Variants in LRP1B observed in about 807,000 individuals in gnomAD.
LRP1B encodes the protein LDL receptor related protein 1B, also known as low-density lipoprotein receptor-related protein 1B.
Under a neutral mutation model 556.6 loss-of-function variants are expected in LRP1B, and 217 were observed. The observed-to-expected ratio is 0.39, with a 90% CI of 0.35 to 0.44. The LOEUF is 0.44. Ranked by LOEUF, LRP1B falls within the 20% of genes least tolerant of loss-of-function variation. LRP1B has a pLI of 1.00. For missense variants in LRP1B, 5,053 were observed against 5,620.8 expected, an observed-to-expected ratio of 0.90 and a Z score of 3.23; for synonymous variants, 2,047 against 1,865.8, an observed-to-expected ratio of 1.10 and a Z score of -2.50.
At chr2:140,358,186 T>A in intron 73 of LRP1B, 70 bp from the exon 74 acceptor site, 1 of 1,414,032 alleles carries the variant, frequency 7.1e-7, no homozygotes, top group Non-Finnish European at 9.7e-7. Context: ...ATGTAATAGC[T>A]CCAAAATTTT....
intron 41 of LRP1B, among the ~76,000 whole-genome samples, chr2:140,647,188 T>C (rs1379697250): frequency 6.6e-6 from 1 of 151,136 alleles, no homozygotes; most frequent in Admixed American, 6.6e-5. Context: ...TGCCTTTAAA[T>C]GCTTTTTTAA....
At chr2:142,077,236 G>A (rs1188459766) in intron 1 of LRP1B, among the ~76,000 whole-genome samples, 2 of 152,072 alleles carry the variant, frequency 1.3e-5, no homozygotes, top group African/African-American at 4.8e-5. Context: ...TGACCTAGGA[G>A]TGATTTATGG....
chr2:141,329,643 CA>C (rs71391650), intron 3 of LRP1B, among the ~76,000 whole-genome samples: 584 of 28,968 alleles, frequency 0.02, 6 homozygotes, highest in East Asian at 0.12. Flanking sequence ...GACTCTGTCT[CA>C]AAAAAAAAAA....
chr2:142,080,825 G>A (rs1481488997), intron 1 of LRP1B, among the ~76,000 whole-genome samples: 1 of 152,076 alleles, frequency 6.6e-6, no homozygotes, highest in African/African-American at 2.4e-5. Flanking sequence ...GGTAAAACAA[G>A]GAGGCTTTCC....
At chr2:142,022,689 G>C (rs1703375099) in intron 1 of LRP1B, among the ~76,000 whole-genome samples, 1 of 151,658 alleles carries the variant, frequency 6.6e-6, no homozygotes, top group Admixed American at 6.6e-5. Flanking sequence ...TTTATTTTTT[G>C]AGATGGAGTC....
chr2:140,829,474 G>A (rs1691640653), intron 31 of LRP1B, among the ~76,000 whole-genome samples: 1 of 152,066 alleles, frequency 6.6e-6, no homozygotes, highest in South Asian at 2.1e-4. Flanking sequence ...TCAATAATAA[G>A]AGAAACTTAG....
chr2:141,150,925 AT>A (rs1304136225), intron 7 of LRP1B, among the ~76,000 whole-genome samples: 1 of 108,546 alleles, frequency 9.2e-6, no homozygotes, highest in African/African-American at 3.0e-5. Flanking sequence ...TTGCCATGCT[AT>A]TTTAACTTTT....
intron 2 of LRP1B, among the ~76,000 whole-genome samples, chr2:141,506,820 G>GA (rs1446625038): frequency 6.6e-6 from 1 of 152,014 alleles, no homozygotes; most frequent in Non-Finnish European, 1.5e-5. Flanking sequence ...GTGCCCTTGG[G>GA]AAAAAAATAT....
chr2:141,909,872 TA>T (rs1249084850), intron 1 of LRP1B, among the ~76,000 whole-genome samples: 3 of 152,038 alleles, frequency 2.0e-5, no homozygotes, highest in Non-Finnish European at 2.9e-5. Flanking sequence ...TAAAAATTCT[TA>T]TAATAAATGG....
intron 1 of LRP1B, among the ~76,000 whole-genome samples, chr2:141,851,214 C>A (rs10496903): frequency 0.27 from 40,219 of 151,658 alleles, 5,605 homozygotes; most frequent in Admixed American, 0.33. Context: ...GCCCTCATCT[C>A]AAAGGAATAT....
At chr2:140,360,749 G>A (rs760680629) in intron 72 of LRP1B, among the ~76,000 whole-genome samples, 1 of 151,372 alleles carries the variant, frequency 6.6e-6, no homozygotes, top group East Asian at 1.9e-4. Context: ...CTAATCTTAC[G>A]TAAGCCACCA....
intron 7 of LRP1B, among the ~76,000 whole-genome samples, chr2:141,089,520 T>C (rs147552615): frequency 2.6e-5 from 4 of 152,196 alleles, no homozygotes; most frequent in Non-Finnish European, 4.4e-5. Flanking sequence ...AAAATGAAAA[T>C]TGTGTTTAAC....
chr2:142,067,960 T>A (rs1397790062), intron 1 of LRP1B, among the ~76,000 whole-genome samples: 1 of 151,554 alleles, frequency 6.6e-6, no homozygotes, highest in Non-Finnish European at 1.5e-5. Flanking sequence ...GCTCCTAATA[T>A]GGTACCTCCT....
At chr2:140,831,537 G>T (rs1412724021) in intron 31 of LRP1B, among the ~76,000 whole-genome samples, 3 of 152,072 alleles carry the variant, frequency 2.0e-5, no homozygotes, top group Non-Finnish European at 1.5e-5. Flanking sequence ...ATGAATCAAA[G>T]CTTGAATCTA....
At chr2:141,131,204 C>T (rs545069704) in intron 7 of LRP1B, among the ~76,000 whole-genome samples, 57 of 151,898 alleles carry the variant, frequency 3.8e-4, no homozygotes, top group African/African-American at 1.2e-3. Flanking sequence ...TTTTCCATTT[C>T]AGGACATAAC....
chr2:140,283,703 T>C lies in LRP1B; in HGVS notation c.12968-9105A>G, dbSNP rs992471360. Among the ~76,000 whole-genome samples the C allele has an allele frequency of 1.3e-4, 19 of 151,754 alleles. 1 individual carries two copies. The highest frequency in any genetic ancestry group is 1.1e-3 in the Admixed American group (17 of 15,146). The stretch of plus-strand genomic sequence containing the variant: ...TGACAAACTGCCATTGTAAAATGCA[T>C]ATTAACAATGATGGCATCAATAGTT... On this transcript the variant is annotated intron_variant, in intron 84 of 90. Coordinates refer to ENST00000389484, the MANE Select transcript of LRP1B (RefSeq NM_018557.3).
At chr2:141,137,637 AGCT>A (rs1701523371) in intron 7 of LRP1B, among the ~76,000 whole-genome samples, 1 of 151,964 alleles carries the variant, frequency 6.6e-6, no homozygotes, top group African/African-American at 2.4e-5. Flanking sequence ...ATTGCAATAA[AGCT>A]GAGGGAAAAG....
chr2:140,924,889 C>T (rs1017522472), intron 20 of LRP1B, among the ~76,000 whole-genome samples: 1 of 151,902 alleles, frequency 6.6e-6, no homozygotes, highest in Non-Finnish European at 1.5e-5. Context: ...ATAGCAATTT[C>T]CCACCATATT....
chr2:140,840,046 T>C lies in LRP1B; in HGVS notation c.5154A>G (p.Ala1718=). The C allele has an allele frequency of 1.2e-6, 2 of 1,611,606 alleles. No homozygotes were observed. Among genetic ancestry groups the C allele is most frequent in the Non-Finnish European group, 1.7e-6 (2 of 1,179,298 alleles). Residue 1718 remains alanine, a synonymous_variant, in exon 31 of 91, where the codon GCA becomes GCG. Coordinates refer to ENST00000389484, the MANE Select transcript of LRP1B (RefSeq NM_018557.3). ...YWTDGNTINM[A]NMDGSNSKIL... is the part of the protein sequence containing the mutation. ...TCTTGCTATTACTGCCATCCATATT[T>C]GCCATGTTAATTGTGTTTCCATCGG...
Sources: allele counts gnomAD v4.1 joint callset (sites outside exome capture counted in the v4.1 genomes callset), GRCh38; gene constraint gnomAD v4.1.1; transcripts MANE v1.5; gene names NCBI Gene and HGNC (gene_info 2026-07-23, HGNC 2026-07-21).